Variants in DLC1 observed in about 807,000 individuals in gnomAD.
DLC1 encodes DLC1 Rho GTPase activating protein, also known as rho GTPase-activating protein 7.
In DLC1, 54 loss-of-function variants were observed where a neutral mutation model predicts 140.3. The observed-to-expected ratio is 0.38, with a 90% confidence interval of 0.31 to 0.48. The LOEUF (loss-of-function observed/expected upper bound fraction) is 0.48, where lower values mean the gene tolerates loss of function less well. DLC1 is among the 20% of genes least tolerant of loss of function. The probability of loss-of-function intolerance (pLI) is 0.96; values close to 1 mark genes in which losing one functional copy is unlikely to be tolerated. For synonymous variants in DLC1, 986 were observed against 728.1 expected, an observed-to-expected ratio of 1.35 and a Z score of -5.70; for missense variants, 2,536 against 1,907.0, an observed-to-expected ratio of 1.33 and a Z score of -6.14.
At chr8:13,381,654 C>T (rs1836267563) in intron 4 of DLC1, among the ~76,000 whole-genome samples, 1 of 152,138 alleles carries the variant, frequency 6.6e-6, no homozygotes, top group Non-Finnish European at 1.5e-5. Flanking sequence ...AGTTTGTAAC[C>T]ACATGAGTAT....
At chr8:13,449,691 G>C (rs1243983230) in intron 2 of DLC1, among the ~76,000 whole-genome samples, 2 of 151,716 alleles carry the variant, frequency 1.3e-5, no homozygotes, top group Non-Finnish European at 2.9e-5. Flanking sequence ...GATGGGGGAG[G>C]GATAGCATTA....
chr8:13,230,323 G>C (rs1275451966), intron 5 of DLC1, among the ~76,000 whole-genome samples: 1 of 152,200 alleles, frequency 6.6e-6, no homozygotes, highest in South Asian at 2.1e-4. Flanking sequence ...CATCTTGTAA[G>C]GTCCAACCAG....
At chr8:13,205,600 A>G (rs1259438857) in intron 5 of DLC1, among the ~76,000 whole-genome samples, 1 of 152,120 alleles carries the variant, frequency 6.6e-6, no homozygotes, top group Non-Finnish European at 1.5e-5. Flanking sequence ...CACTAATGAT[A>G]GCTGATGAGC....
At chr8:13,406,238 T>C (rs775841312) in intron 2 of DLC1, among the ~76,000 whole-genome samples, 13 of 139,350 alleles carry the variant, frequency 9.3e-5, no homozygotes, top group Non-Finnish European at 2.0e-4. Flanking sequence ...CAGGCTGGTC[T>C]TGAACTCCTG....
At chr8:13,575,070 T>C (rs1804790305) in intron 1 of DLC1, among the ~76,000 whole-genome samples, 1 of 152,234 alleles carries the variant, frequency 6.6e-6, no homozygotes, top group Non-Finnish European at 1.5e-5. Flanking sequence ...TTTCTGTTCT[T>C]AGTTGATAAT....
chr8:13,134,894 A>C (rs971781269), intron 5 of DLC1, among the ~76,000 whole-genome samples: 1 of 152,182 alleles, frequency 6.6e-6, no homozygotes, highest in Non-Finnish European at 1.5e-5. Context: ...TCCGTTCAAC[A>C]GATGTTTCCA....
intron 1 of DLC1, among the ~76,000 whole-genome samples, chr8:13,581,610 A>T (rs1805102455): frequency 6.6e-6 from 1 of 152,176 alleles, no homozygotes; most frequent in Admixed American, 6.5e-5. Context: ...GGCTTAAACT[A>T]TTGAATTACA....
rs181417882 is a variant in DLC1 at position 13,089,411 on chromosome 8, G to T, written c.4075-707C>A. The stretch of plus-strand genomic sequence containing the variant: ...GGGAGGCCAAGGTGGGCAGTCACAA[G>T]GTCAGGAGTTCGAGACCAGCCTGGC... On this transcript the variant is annotated intron_variant, in intron 15 of 17. Transcript: ENST00000276297. Among the ~76,000 whole-genome samples the T allele has an allele frequency of 1.2e-3, 188 of 152,030 alleles. 1 individual carries two copies. Among genetic ancestry groups the T allele is most frequent in the African/African-American group, 4.2e-3 (173 of 41,458 alleles).
At chr8:13,309,350 T>C (rs2117540341) in intron 4 of DLC1, among the ~76,000 whole-genome samples, 1 of 152,272 alleles carries the variant, frequency 6.6e-6, no homozygotes, top group East Asian at 1.9e-4. Context: ...GATATTTAAA[T>C]AATAAGATAG....
chr8:13,171,640 G>A (rs1034060811), intron 5 of DLC1, among the ~76,000 whole-genome samples: 2 of 152,000 alleles, frequency 1.3e-5, no homozygotes, highest in African/African-American at 2.4e-5. Flanking sequence ...CTCCCTCCTC[G>A]ACCTCCCAAA....
intron 2 of DLC1, among the ~76,000 whole-genome samples, chr8:13,421,226 T>C (rs1019077392): frequency 6.6e-6 from 1 of 152,196 alleles, no homozygotes; most frequent in Non-Finnish European, 1.5e-5. Context: ...GTAATCAGTA[T>C]AGCTGCCTTA....
intron 2 of DLC1, among the ~76,000 whole-genome samples, chr8:13,453,478 ATGTATATATATACATATATATATG>A (rs1799228016): frequency 8.5e-5 from 3 of 35,382 alleles, no homozygotes; most frequent in African/African-American, 2.9e-4. Context: ...ATACATATAT[ATGTATATATATACATATATATATG>A]TATATATATA....
At chr8:13,309,048 C>T (rs1222883101) in intron 4 of DLC1, among the ~76,000 whole-genome samples, 1 of 152,060 alleles carries the variant, frequency 6.6e-6, no homozygotes, top group East Asian at 1.9e-4. Flanking sequence ...ATTTAAATAA[C>T]ATGTATAATT....
chr8:13,147,900 A>G (rs1283531534), intron 5 of DLC1, among the ~76,000 whole-genome samples: 1 of 152,168 alleles, frequency 6.6e-6, no homozygotes, highest in East Asian at 1.9e-4. Flanking sequence ...AGGCAGGAGA[A>G]TGGCTTGAAC....
intron 1 of DLC1, among the ~76,000 whole-genome samples, chr8:13,569,778 G>C (rs1252335659): frequency 1.3e-5 from 2 of 152,228 alleles, no homozygotes; most frequent in Non-Finnish European, 2.9e-5. Flanking sequence ...CTGGAATGCA[G>C]TGGTGCAATT....
At chr8:13,396,784 G>T (rs1837061628) in intron 3 of DLC1, among the ~76,000 whole-genome samples, 1 of 152,076 alleles carries the variant, frequency 6.6e-6, no homozygotes, top group African/African-American at 2.4e-5. Context: ...TTTCTCTTCT[G>T]TTCTCTGTTC....
At chr8:13,176,361 A>G (rs1427595465) in intron 5 of DLC1, among the ~76,000 whole-genome samples, 1 of 152,102 alleles carries the variant, frequency 6.6e-6, no homozygotes, top group African/African-American at 2.4e-5. Context: ...GGTGGATCAC[A>G]AGGTCAGGAG....
intron 4 of DLC1, among the ~76,000 whole-genome samples, chr8:13,370,251 T>C (rs964221867): frequency 1.3e-5 from 2 of 152,096 alleles, no homozygotes; most frequent in Admixed American, 1.3e-4. Context: ...TTCTTCAATA[T>C]ACTATAAGCT....
intron 1 of DLC1, among the ~76,000 whole-genome samples, chr8:13,552,557 C>A (rs575555427): frequency 6.6e-6 from 1 of 151,202 alleles, no homozygotes; most frequent in Non-Finnish European, 1.5e-5. Context: ...ATATATTTTT[C>A]CAAAGTTCTG....
Sources: gnomAD v4.1 joint callset for allele counts (sites outside exome capture counted in the v4.1 genomes callset) on GRCh38, gnomAD v4.1.1 for gene constraint, MANE v1.5 for transcripts, NCBI Gene and HGNC (gene_info 2026-07-23, HGNC 2026-07-21) for gene names.